CNTN6: variants seen among roughly 807,000 people sequenced by gnomAD.
CNTN6 encodes the protein contactin 6, also known as contactin-6.
Under a neutral mutation model 122.8 loss-of-function variants are expected in CNTN6, and 137 were observed. That is an observed-to-expected ratio of 1.12 (90% CI 0.97 to 1.29). The LOEUF (loss-of-function observed/expected upper bound fraction) is 1.29. Among genes scored for constraint, CNTN6 ranks in the 50% most tolerant of loss-of-function variants. The pLI is 0.00. For synonymous variants in CNTN6, 570 were observed against 426.0 expected, an observed-to-expected ratio of 1.34 and a Z score of -4.16; for missense variants, 1,634 against 1,223.4, an observed-to-expected ratio of 1.34 and a Z score of -5.01.
At position 1,326,017 on chromosome 3, in the gene CNTN6, C is replaced by G. The variant is rs892431283; in HGVS notation, c.1083+66C>G. The G allele has an allele frequency of 8.0e-6, 11 of 1,377,288 alleles. No homozygotes were observed. In the East Asian group the frequency reaches 1.9e-4, roughly 23 times the overall value. The allele number at this position is 1,377,288 out of a possible 1,614,324, so 85.3% of individuals were successfully genotyped here. ...TAGGTAAATTTTGTTACTAACAGTACTAGTAACTAACAGAAACAGCTAATG... is the reference window on the plus strand; with the variant it reads ...TAGGTAAATTTTGTTACTAACAGTAGTAGTAACTAACAGAAACAGCTAATG... On this transcript the variant is annotated intron_variant, in intron 9 of 22. Coordinates refer to ENST00000446702, the MANE Select transcript of CNTN6 (RefSeq NM_001289080.2).
At chr3:1,301,194 A>G (rs897117336) in intron 7 of CNTN6, among the ~76,000 whole-genome samples, 3 of 151,482 alleles carry the variant, frequency 2.0e-5, no homozygotes, top group Admixed American at 6.6e-5. Flanking sequence ...CTGCCACCAC[A>G]CCCAGCTAAT....
intron 8 of CNTN6, among the ~76,000 whole-genome samples, chr3:1,323,668 GAAAT>G (rs1559822933): frequency 6.6e-6 from 1 of 151,650 alleles, no homozygotes. Context: ...ATCTCTAAAA[GAAAT>G]CTCTAAAGTA....
chr3:1,143,986 A>AGC (rs2092670159), intron 1 of CNTN6, among the ~76,000 whole-genome samples: 1 of 152,208 alleles, frequency 6.6e-6, no homozygotes, highest in South Asian at 2.1e-4. Flanking sequence ...GGTTAAGAGA[A>AGC]AGAGACAATA....
In CNTN6 at chr3:1,098,291, G is replaced by T. The variant is rs186339192; in HGVS notation, c.-83+5171G>T. On this transcript the variant is annotated intron_variant, in intron 1 of 22. Transcript: ENST00000446702. Reference sequence around the variant, plus strand: ...AGAGAAAGGGTATATTTGATTTTTTGATTATAAAAGCAATGAACAGAAAAG... The same window carrying T: ...AGAGAAAGGGTATATTTGATTTTTTTATTATAAAAGCAATGAACAGAAAAG... 2.8e-3 allele frequency among the ~76,000 whole-genome samples: 431 copies of T among 151,918 alleles called. 1 individual carries two copies. Among genetic ancestry groups the T allele is most frequent in the Non-Finnish European group, 4.7e-3 (317 of 67,916 alleles).
Position 1,255,948 on chromosome 3 carries a change from A to G in CNTN6, c.359-22465A>G, listed in dbSNP as rs143299523. ...AGTGGAGAGATCAAGACTAACCACA[A>G]TGGGGATCCACCTAAGCTCAAGAAA... On this transcript the variant is annotated intron_variant, in intron 4 of 22. Coordinates refer to ENST00000446702, the MANE Select transcript of CNTN6 (RefSeq NM_001289080.2). Among the ~76,000 whole-genome samples, 320 of 152,150 alleles carry G rather than the reference A, an allele frequency of 2.1e-3. 1 individual carries two copies. Among genetic ancestry groups the G allele is most frequent in the African/African-American group, 7.3e-3 (304 of 41,530 alleles).
Position 1,329,856 on chromosome 3 carries a change from A to G in CNTN6, c.1285A>G (p.Ile429Val), listed in dbSNP as rs1490521228. Residue 429 changes from isoleucine (I) to valine (V), a missense_variant, in exon 11 of 23, where the codon ATC (isoleucine) becomes GTC (valine). Coordinates refer to ENST00000446702, the MANE Select transcript of CNTN6 (RefSeq NM_001289080.2). ...SFVQVGGDIVIGCKPNAFPRA... is the reference protein window; with the variant it reads ...SFVQVGGDIVVGCKPNAFPRA... Reference sequence around the variant, plus strand: ...TGTTCAAGTTGGTGGGGATATTGTTATCGGATGCAAACCAAATGCTTTTCC... The same window carrying G: ...TGTTCAAGTTGGTGGGGATATTGTTGTCGGATGCAAACCAAATGCTTTTCC... 1 of 1,611,280 alleles carries G rather than the reference A, an allele frequency of 6.2e-7. No homozygotes were observed. Among genetic ancestry groups the G allele is most frequent in the Admixed American group, 1.7e-5 (1 of 59,796 alleles).
At chr3:1,393,643 C>G (rs1456506718) in intron 20 of CNTN6, among the ~76,000 whole-genome samples, 1 of 139,978 alleles carries the variant, frequency 7.1e-6, no homozygotes, top group Non-Finnish European at 1.6e-5. Context: ...GTGTAAGAAA[C>G]AAACATTAAA....
chr3:1,142,212 TAAAA>T (rs67721626), intron 1 of CNTN6, among the ~76,000 whole-genome samples: 4 of 130,800 alleles, frequency 3.1e-5, no homozygotes, highest in African/African-American at 8.4e-5. Context: ...TTTCCATTCC[TAAAA>T]AAAAAAAAAA....
intron 7 of CNTN6, among the ~76,000 whole-genome samples, chr3:1,319,816 G>GAGAGCAGA (rs1700592445): frequency 1.8e-5 from 2 of 111,772 alleles, no homozygotes; most frequent in African/African-American, 8.1e-5. Context: ...ATGAAAACCA[G>GAGAGCAGA]AAATAAACAG....
intron 4 of CNTN6, among the ~76,000 whole-genome samples, chr3:1,271,855 T>C (rs575151052): frequency 4.3e-4 from 65 of 152,268 alleles, no homozygotes; most frequent in African/African-American, 1.6e-3. Context: ...CCAGGTAACA[T>C]CTGGAGAGCA....
Position 1,148,160 on chromosome 3 carries a change from T to C in CNTN6, c.55+97T>C, listed in dbSNP as rs768889614. The C allele has an allele frequency of 1.7e-4, 151 of 909,974 alleles. 1 individual carries two copies. Among genetic ancestry groups the C allele is most frequent in the Non-Finnish European group, 2.4e-4 (135 of 570,854 alleles). The allele number at this position is 909,974 out of a possible 1,614,324, so 56.4% of individuals were successfully genotyped here. A position where few individuals can be genotyped will look rare whatever the true frequency, so the allele number is the denominator to read the frequency against. On this transcript the variant is annotated intron_variant, in intron 2 of 22. Coordinates refer to ENST00000446702, the MANE Select transcript of CNTN6 (RefSeq NM_001289080.2). ...CAATTTTCAAAATGCACAATTTGTA[T>C]GTTATTTGAATGACTAAGTGATAAT... is the stretch of plus-strand genomic sequence containing the variant.
intron 1 of CNTN6, among the ~76,000 whole-genome samples, chr3:1,102,453 G>A (rs934086531): frequency 5.3e-5 from 8 of 152,310 alleles, no homozygotes; most frequent in Non-Finnish European, 7.3e-5. Context: ...CAGTCCTGCC[G>A]GGCGCGGTGG....
At chr3:1,293,035 C>T (rs1695591776) in intron 5 of CNTN6, among the ~76,000 whole-genome samples, 1 of 152,108 alleles carries the variant, frequency 6.6e-6, no homozygotes, top group South Asian at 2.1e-4. Context: ...ACTTCATGCG[C>T]AAGTAGCATT....
chr3:1,093,557 G>C lies in CNTN6; in HGVS notation c.-83+437G>C, dbSNP rs182354660. Among the ~76,000 whole-genome samples the C allele has an allele frequency of 2.8e-3, 423 of 151,824 alleles. 2 individuals carry two copies. The highest frequency in any genetic ancestry group is 9.6e-3 in the African/African-American group (397 of 41,370). ...TTTTTTTTTTAATCAAAGGGATGAG[G>C]GGTGGGGTTTGCAGTTCTCACCGGA... is the stretch of plus-strand genomic sequence containing the variant. On this transcript the variant is annotated intron_variant, in intron 1 of 22. Transcript: ENST00000446702.
At chr3:1,387,609 C>A (rs1186005570) in intron 20 of CNTN6, among the ~76,000 whole-genome samples, 1 of 152,128 alleles carries the variant, frequency 6.6e-6, no homozygotes, top group East Asian at 1.9e-4. Flanking sequence ...GTCTACAGCT[C>A]CCAGTGAAGA....
Position 1,329,931 on chromosome 3 carries a change from A to G in CNTN6, c.1360A>G (p.Lys454Glu). The G allele has an allele frequency of 6.5e-7, 1 of 1,549,728 alleles. No individual in the cohort carries two copies. Among genetic ancestry groups the G allele is most frequent in the Non-Finnish European group, 8.7e-7 (1 of 1,154,870 alleles). ...AGGAACGGAGACCCTTAGACAAAGC[A>G]AAAGGTAAACAAATCTTTATTTTTA... Reference protein sequence around the residue: ...KRGTETLRQSKRIFLLEDGSL... With the variant: ...KRGTETLRQSERIFLLEDGSL... Residue 454 changes from lysine (K) to glutamate (E), a missense_variant, in exon 11 of 23, where the codon AAA (lysine) becomes GAA (glutamate). Lys to Glu is a moderately conservative substitution (Grantham distance 56). Coordinates refer to ENST00000446702, the MANE Select transcript of CNTN6 (RefSeq NM_001289080.2).
intron 11 of CNTN6, among the ~76,000 whole-genome samples, chr3:1,346,076 T>C (rs1309489041): frequency 6.6e-6 from 1 of 152,008 alleles, no homozygotes; most frequent in East Asian, 1.9e-4. Context: ...AAACAAAAAA[T>C]CTGGAGCATT....
rs374564870 is a variant in CNTN6, at chr3:1,342,086, C to A, written c.1365-10238C>A. 1.8e-4 allele frequency among the ~76,000 whole-genome samples: 27 copies of A among 151,252 alleles called. 1 individual carries two copies. The East Asian group carries it at 4.8e-3, about 27-fold the overall frequency. On this transcript the variant is annotated intron_variant, in intron 11 of 22. Transcript: ENST00000446702. ...ATTTCTCGATTTTGTTGAAGAGTTGCCAAAAAAAAGTAACATAAAAGTACT... is the reference window on the plus strand; with the variant it reads ...ATTTCTCGATTTTGTTGAAGAGTTGACAAAAAAAAGTAACATAAAAGTACT...
rs908065711 is a variant in CNTN6, at chr3:1,388,321, G to A, written c.2704+2524G>A. On this transcript the variant is annotated intron_variant, in intron 20 of 22. Coordinates refer to ENST00000446702, the MANE Select transcript of CNTN6 (RefSeq NM_001289080.2). Reference sequence around the variant, plus strand: ...GGGCACACTGACACCTCACACGGCAGGGTATGCCAACAGACCTGAAGCTGA... The same window carrying A: ...GGGCACACTGACACCTCACACGGCAAGGTATGCCAACAGACCTGAAGCTGA... Among the ~76,000 whole-genome samples the A allele has an allele frequency of 4.8e-5, 7 of 146,438 alleles. 1 individual carries two copies. The highest frequency in any genetic ancestry group is 2.2e-4 in the South Asian group (1 of 4,512).
Sources: allele counts gnomAD v4.1 joint callset (sites outside exome capture counted in the v4.1 genomes callset), GRCh38; gene constraint gnomAD v4.1.1; transcripts MANE v1.5; gene names NCBI Gene and HGNC (gene_info 2026-07-23, HGNC 2026-07-21).